Variants in ZNF485 observed in about 807,000 individuals in gnomAD.
ZNF485 encodes zinc finger protein 485, also known as Zinc finger protein 93 (Zinc finger protein HTF34).
A neutral mutation model predicts 10.8 loss-of-function variants in ZNF485; 9 were observed. The observed-to-expected ratio is 0.83, with a 90% CI of 0.50 to 1.45. ZNF485 has a LOEUF of 1.45. Among genes scored for constraint, ZNF485 ranks in the 40% most tolerant of loss-of-function variants. The pLI is 0.00. For synonymous variants in ZNF485, 187 were observed against 181.0 expected, an observed-to-expected ratio of 1.03 and a Z score of -0.27; for missense variants, 487 against 528.0, an observed-to-expected ratio of 0.92 and a Z score of 0.76.
chr10:43,607,322 A>T, intron 2 of ZNF485: 1 of 599,386 alleles, frequency 1.7e-6, no homozygotes, highest in South Asian at 2.0e-5. Context: ...GATGAAAAAA[A>T]TACACGTTAG....
At chr10:43,609,881 C>T (rs191600633) in intron 4 of ZNF485, among the ~76,000 whole-genome samples, 5 of 152,124 alleles carry the variant, frequency 3.3e-5, no homozygotes, top group South Asian at 2.1e-4. Context: ...GATGGAGTGT[C>T]GCTATATTAG....
At chr10:43,613,148 G>A (rs1472254447) in intron 4 of ZNF485, among the ~76,000 whole-genome samples, 1 of 152,162 alleles carries the variant, frequency 6.6e-6, no homozygotes, top group African/African-American at 2.4e-5. Context: ...GATAAAATAT[G>A]TATACAGCCT....
In ZNF485 at chr10:43,614,999, G is replaced by A. The variant is rs148755888; in HGVS notation, c.248-1292G>A. Among the ~76,000 whole-genome samples the A allele has an allele frequency of 3.1e-4, 47 of 152,240 alleles. No individual in the cohort carries two copies. In the East Asian group the frequency reaches 8.1e-3, roughly 26 times the overall value. On this transcript the variant is annotated intron_variant, in intron 4 of 4. Coordinates refer to ENST00000361807, the MANE Select transcript of ZNF485 (RefSeq NM_145312.4). ...AATCAGTATCTTGAAATTTTCTCTA[G>A]TTTGATCATAATACATTAAACACAT...
intron 4 of ZNF485, among the ~76,000 whole-genome samples, chr10:43,613,936 G>T (rs546237864): frequency 6.6e-6 from 1 of 152,138 alleles, no homozygotes; most frequent in Non-Finnish European, 1.5e-5. Context: ...TTTTAGGGCT[G>T]GGCATGGTGG....
At position 43,616,774 on chromosome 10, in the gene ZNF485, GT is replaced by G; in HGVS notation, c.732del (p.Cys244Ter). 6.2e-7 allele frequency: 1 copy of G among 1,614,068 alleles called. No homozygotes were observed. The highest frequency in any genetic ancestry group is 1.1e-5 in the South Asian group (1 of 91,080). The part of the protein sequence containing the change: ...RIHTGQKPYK[C>X]NDCGKAFAQN... The stretch of plus-strand genomic sequence containing the variant: ...CATACTGGCCAGAAACCCTACAAAT[GT>G]AATGACTGTGGGAAAGCCTTCGCTC... On this transcript the variant is annotated frameshift_variant, in exon 5 of 5. Transcript: ENST00000361807. LOFTEE classifies it low-confidence loss of function (END_TRUNC).
chr10:43,607,149 A>G lies in ZNF485; in HGVS notation c.24+75A>G, dbSNP rs1838666505. On this transcript the variant is annotated intron_variant, in intron 2 of 4. Transcript: ENST00000361807. Reference sequence around the variant, plus strand: ...GGGGTTTATGCCTCTTGCCCGGACAATGCCCTGCCCTGTGTGTGGACAAAG... The same window carrying G: ...GGGGTTTATGCCTCTTGCCCGGACAGTGCCCTGCCCTGTGTGTGGACAAAG... 9.2e-6 allele frequency: 14 copies of G among 1,521,530 alleles called. No individual in the cohort carries two copies. The Admixed American group carries it at 2.0e-4, about 21-fold the overall frequency. The allele number at this position is 1,521,530 out of a possible 1,614,324, so 94.3% of individuals were successfully genotyped here.
intron 4 of ZNF485, among the ~76,000 whole-genome samples, chr10:43,615,701 A>G (rs1227746765): frequency 6.6e-6 from 1 of 152,104 alleles, no homozygotes; most frequent in Non-Finnish European, 1.5e-5. Flanking sequence ...CGTGCCTGGC[A>G]TAGGTATGTT....
At chr10:43,611,194 C>A (rs1056856501) in intron 4 of ZNF485, among the ~76,000 whole-genome samples, 4 of 151,922 alleles carry the variant, frequency 2.6e-5, no homozygotes, top group Admixed American at 1.3e-4. Flanking sequence ...TGCTACCACA[C>A]CTGGCTAAAT....
intron 2 of ZNF485, chr10:43,607,479 A>G: frequency 4.9e-6 from 1 of 203,216 alleles, no homozygotes. Flanking sequence ...AGAGGATACT[A>G]GGGGAAAGCG....
At chr10:43,616,047 G>A (rs1231838439) in intron 4 of ZNF485, among the ~76,000 whole-genome samples, 1 of 151,932 alleles carries the variant, frequency 6.6e-6, no homozygotes, top group East Asian at 1.9e-4. Context: ...CTTCTTAGGG[G>A]CTCACTGCAT....
intron 4 of ZNF485, among the ~76,000 whole-genome samples, chr10:43,613,867 C>G (rs1025235775): frequency 6.6e-6 from 1 of 152,134 alleles, no homozygotes; most frequent in African/African-American, 2.4e-5. Flanking sequence ...GGTGGATGTT[C>G]TGTGTGCCTC....
chr10:43,608,907 A>G (rs1838711145), intron 3 of ZNF485, among the ~76,000 whole-genome samples, 167 bp downstream of exon 3: 1 of 152,186 alleles, frequency 6.6e-6, no homozygotes, highest in Non-Finnish European at 1.5e-5. Flanking sequence ...TACACCCCTC[A>G]AGAAAGGTCA....
In ZNF485 at chr10:43,617,625, G is replaced by A; in HGVS notation, c.*256G>A. On this transcript the variant is annotated 3_prime_UTR_variant, in exon 5 of 5. Transcript: ENST00000361807. ...AATACTGTACAAAGCCAGGCATGGT[G>A]GCATATGCCTGTAGTCCCAGTTACT... The A allele has an allele frequency of 3.1e-6, 1 of 325,810 alleles. No individual in the cohort carries two copies. 20.2% of individuals were successfully genotyped at this position (325,810 alleles called of 1,614,324 possible).
chr10:43,610,433 C>T (rs1194760854), intron 4 of ZNF485, among the ~76,000 whole-genome samples: 2 of 152,120 alleles, frequency 1.3e-5, no homozygotes, highest in Admixed American at 6.5e-5. Flanking sequence ...CTTGCTTAAC[C>T]TAGGTCTTTG....
rs146981657 is a variant in ZNF485 at position 43,607,202 on chromosome 10, C to T, written c.24+128C>T. On this transcript the variant is annotated intron_variant, in intron 2 of 4. Coordinates refer to ENST00000361807, the MANE Select transcript of ZNF485 (RefSeq NM_145312.4). The stretch of plus-strand genomic sequence containing the variant: ...ACCCGAACCAATCCTGGATGGGTCC[C>T]GCGATTTCCGTCCTGTCTACCCATT... 724 of 1,075,430 alleles carry T rather than the reference C, an allele frequency of 6.7e-4. 3 individuals are homozygous for T. In the African/African-American group the frequency reaches 8.5e-3, roughly 13 times the overall value. 66.6% of individuals were successfully genotyped at this position (1,075,430 alleles called of 1,614,324 possible). A position where few individuals can be genotyped will look rare whatever the true frequency, so the allele number is the denominator to read the frequency against.
chr10:43,612,796 G>A (rs1458830287), intron 4 of ZNF485, among the ~76,000 whole-genome samples: 1 of 151,866 alleles, frequency 6.6e-6, no homozygotes, highest in Non-Finnish European at 1.5e-5. Flanking sequence ...GCATTTGGAT[G>A]TATTTATTAG....
Position 43,609,273 on chromosome 10 carries a change from C to A in ZNF485, c.170C>A (p.Pro57Gln), listed in dbSNP as rs1017102905. 2.1e-5 allele frequency: 34 copies of A among 1,613,610 alleles called. No homozygotes were observed. Among genetic ancestry groups the A allele is most frequent in the African/African-American group, 5.3e-5 (4 of 74,796 alleles). ...LVSVGLLSSK[P>Q]KLITQLEQGA... ...TGAACAGGGCTTCTCTCTTCCAAACCAAAACTAATTACTCAGTTGGAGCAA... is the reference window on the plus strand; with the variant it reads ...TGAACAGGGCTTCTCTCTTCCAAACAAAAACTAATTACTCAGTTGGAGCAA... The change falls in exon 4 of 5, where the codon CCA (proline) becomes CAA (glutamine). Residue 57 changes from proline (P) to glutamine (Q), a missense_variant. Pro to Gln is a moderately conservative substitution (Grantham distance 76, BLOSUM62 -1). Coordinates refer to ENST00000361807, the MANE Select transcript of ZNF485 (RefSeq NM_145312.4).
At chr10:43,610,570 GTTCT>G (rs1838750281) in intron 4 of ZNF485, among the ~76,000 whole-genome samples, 1 of 151,986 alleles carries the variant, frequency 6.6e-6, no homozygotes, top group South Asian at 2.1e-4. Flanking sequence ...TTTATTCTTT[GTTCT>G]TTCTGTTTTA....
chr10:43,610,711 A>C (rs1838752551), intron 4 of ZNF485, among the ~76,000 whole-genome samples: 1 of 152,162 alleles, frequency 6.6e-6, no homozygotes. Flanking sequence ...CTTCACAACC[A>C]GTCAGTATTT....
Sources: allele counts gnomAD v4.1 joint callset (sites outside exome capture counted in the v4.1 genomes callset), GRCh38; gene constraint gnomAD v4.1.1; transcripts MANE v1.5; gene names NCBI Gene and HGNC (gene_info 2026-07-23, HGNC 2026-07-21).